The following FBRSL1 variants were observed in gnomAD, a reference collection of about 807,000 sequenced individuals.
The protein encoded by FBRSL1 is fibrosin-1-like protein.
A neutral mutation model predicts 89.6 loss-of-function variants in FBRSL1; 51 were observed. That is an observed-to-expected ratio of 0.57 (90% CI 0.45 to 0.72). The LOEUF (loss-of-function observed/expected upper bound fraction) is 0.72. Ranked by LOEUF, FBRSL1 falls within the 30% of genes least tolerant of loss-of-function variation. The pLI is 0.00. For synonymous variants in FBRSL1, 779 were observed against 681.1 expected, an observed-to-expected ratio of 1.14 and a Z score of -2.24; for missense variants, 1,618 against 1,451.8, an observed-to-expected ratio of 1.11 and a Z score of -1.86.
chr12:132,535,799 G>C (rs116128475), intron 4 of FBRSL1, among the ~76,000 whole-genome samples: 2 of 136,588 alleles, frequency 1.5e-5, no homozygotes, highest in Non-Finnish European at 3.1e-5. Flanking sequence ...GATGGTGTGC[G>C]TGAGTGCACG....
Position 132,511,177 on chromosome 12 carries a change from C to T in FBRSL1, c.489+2827C>T, listed in dbSNP as rs1350624307. 86 of 985,464 alleles carry T rather than the reference C, an allele frequency of 8.7e-5. No individual in the cohort carries two copies. The Middle Eastern group carries it at 2.1e-3, about 24-fold the overall frequency. 61.0% of individuals were successfully genotyped at this position (985,464 alleles called of 1,614,324 possible). ...GGTGGGTCAGGACCTGCAGGGGACC[C>T]GGAGGCTCCCACCCCCACCTCTCAG... is the stretch of plus-strand genomic sequence containing the variant. On this transcript the variant is annotated intron_variant, in intron 2 of 18. Coordinates refer to ENST00000680143, the MANE Select transcript of FBRSL1 (RefSeq NM_001367871.1).
intron 1 of FBRSL1, 130 bp downstream of exon 1, chr12:132,490,991 C>G (rs187843651): frequency 1.5e-6 from 1 of 680,930 alleles, no homozygotes; most frequent in African/African-American, 1.9e-5. Context: ...GAAGCCCCGG[C>G]CACTTGGTAC....
intron 1 of FBRSL1, among the ~76,000 whole-genome samples, chr12:132,501,637 TGA>T (rs2032974129): frequency 6.6e-6 from 1 of 151,182 alleles, no homozygotes; most frequent in South Asian, 2.1e-4. Flanking sequence ...TGGACAGGAG[TGA>T]GAGGGGCTGC....
In FBRSL1 at chr12:132,532,773, G is replaced by A. The variant is rs184508696; in HGVS notation, c.615+4785G>A. ...AAGCAGGCATAGGTTTGAACAGAGG[G>A]GCCGGTGAGAGGCCCTGAGGCCCCT... On this transcript the variant is annotated intron_variant, in intron 4 of 18. Transcript: ENST00000680143. 6.6e-5 allele frequency among the ~76,000 whole-genome samples: 10 copies of A among 152,340 alleles called. No homozygotes were observed. The East Asian group carries it at 9.6e-4, about 15-fold the overall frequency.
intron 2 of FBRSL1, among the ~76,000 whole-genome samples, chr12:132,516,639 A>T (rs1359367648): frequency 6.6e-6 from 1 of 152,198 alleles, no homozygotes; most frequent in Non-Finnish European, 1.5e-5. Context: ...CATTTCCACC[A>T]GTTAACATGC....
chr12:132,572,257 G>A (rs367804336), intron 9 of FBRSL1, 31 bp from the exon 10 acceptor site: 297 of 1,546,646 alleles, frequency 1.9e-4, no homozygotes, highest in Middle Eastern at 5.0e-4. Context: ...TCGTGTGTGC[G>A]GGGCCTCACC....
chr12:132,576,337 C>T lies in FBRSL1; in HGVS notation c.1702-462C>T, dbSNP rs529044941. Among the ~76,000 whole-genome samples the T allele has an allele frequency of 4.5e-4, 69 of 152,032 alleles. No homozygotes were observed. The South Asian group carries it at 4.6e-3, about 10-fold the overall frequency. ...CCTCCTGAGCAGCTGGGATTACAGG[C>T]GCCCGCCACTGCGCCCAGCTAATTT... On this transcript the variant is annotated intron_variant, in intron 14 of 18. Coordinates refer to ENST00000680143, the MANE Select transcript of FBRSL1 (RefSeq NM_001367871.1).
Position 132,581,435 on chromosome 12 carries a change from C to A in FBRSL1, c.1835-4C>A, listed in dbSNP as rs2040739006. The A allele has an allele frequency of 3.9e-6, 6 of 1,550,850 alleles. No individual in the cohort carries two copies. In the South Asian group the frequency reaches 4.8e-5, roughly 12 times the overall value. ...CTTCTGTCAAACCTGGCTGCCCCCCCCAGGTGCCGCCCATCCTGCCTCCAA... is the reference window on the plus strand; with the variant it reads ...CTTCTGTCAAACCTGGCTGCCCCCCACAGGTGCCGCCCATCCTGCCTCCAA... On this transcript the variant is annotated splice_polypyrimidine_tract_variant and splice_region_variant and intron_variant, in intron 15 of 18. Coordinates refer to ENST00000680143, the MANE Select transcript of FBRSL1 (RefSeq NM_001367871.1).
chr12:132,512,060 A>G (rs1234997501), intron 2 of FBRSL1: 1 of 960,328 alleles, frequency 1.0e-6, no homozygotes, highest in African/African-American at 1.8e-5. Context: ...CTCTGACCGA[A>G]CAGAGGGGAG....
chr12:132,514,618 G>C (rs577353137), intron 2 of FBRSL1, among the ~76,000 whole-genome samples: 26 of 152,280 alleles, frequency 1.7e-4, no homozygotes, highest in African/African-American at 6.3e-4. Flanking sequence ...TTTTCATGCT[G>C]AGCCACAGTC....
intron 14 of FBRSL1, 105 bp downstream of exon 14, chr12:132,574,669 G>T: frequency 7.3e-7 from 1 of 1,374,674 alleles, no homozygotes. Context: ...GCGTGTGCAC[G>T]GGTGTGATCC....
At chr12:132,555,186 T>C (rs1237283808) in intron 5 of FBRSL1, among the ~76,000 whole-genome samples, 1 of 152,164 alleles carries the variant, frequency 6.6e-6, no homozygotes, top group East Asian at 1.9e-4. Flanking sequence ...TCCTGTGATT[T>C]AATATTTCAC....
chr12:132,492,245 T>C, intron 1 of FBRSL1, among the ~76,000 whole-genome samples: 1 of 152,216 alleles, frequency 6.6e-6, no homozygotes, highest in East Asian at 1.9e-4. Flanking sequence ...GGGTCAGCCC[T>C]TGTACCCTGC....
At chr12:132,498,144 A>G (rs4883575) in intron 1 of FBRSL1, among the ~76,000 whole-genome samples, 135,380 of 151,876 alleles carry the variant, frequency 0.89, 61,433 homozygotes, top group Non-Finnish European at 0.99. Flanking sequence ...GGTGGCTGGC[A>G]GGGAAAGCCG....
At chr12:132,580,628 G>A (rs2138124597) in intron 15 of FBRSL1, among the ~76,000 whole-genome samples, 1 of 152,330 alleles carries the variant, frequency 6.6e-6, no homozygotes. Context: ...TAGTTTAGAA[G>A]AGTGGCATCA....
intron 1 of FBRSL1, chr12:132,507,465 G>A (rs556048826): frequency 1.6e-4 from 154 of 975,292 alleles, no homozygotes; most frequent in Non-Finnish European, 1.8e-4. Context: ...CCGGCAGGGC[G>A]GAGGCTGGAG....
chr12:132,552,687 C>A (rs1257975599), intron 5 of FBRSL1: 1 of 135,536 alleles, frequency 7.4e-6, no homozygotes, highest in East Asian at 2.3e-4. Context: ...TCACCCCGTG[C>A]GACAGACAGA....
At chr12:132,543,902 G>C (rs562088677) in intron 4 of FBRSL1, among the ~76,000 whole-genome samples, 1 of 152,322 alleles carries the variant, frequency 6.6e-6, no homozygotes, top group South Asian at 2.1e-4. Flanking sequence ...GGGCCTGGGG[G>C]AGCTGAGCTG....
intron 1 of FBRSL1, among the ~76,000 whole-genome samples, chr12:132,502,704 C>G (rs1418838135): frequency 1.3e-5 from 2 of 151,174 alleles, no homozygotes; most frequent in Non-Finnish European, 3.0e-5. Flanking sequence ...CATCCCCCAC[C>G]TCCCTGCTTC....
Sources: gnomAD v4.1 joint callset for allele counts (sites outside exome capture counted in the v4.1 genomes callset) on GRCh38, gnomAD v4.1.1 for gene constraint, MANE v1.5 for transcripts, NCBI Gene and HGNC (gene_info 2026-07-23, HGNC 2026-07-21) for gene names.